EHMT1: variants seen among roughly 807,000 people sequenced by gnomAD.
EHMT1 encodes euchromatic histone lysine methyltransferase 1.
In EHMT1, 15 loss-of-function variants were observed where a neutral mutation model predicts 147.2. That is an observed-to-expected ratio of 0.10 (90% CI 0.07 to 0.16). The LOEUF is 0.16. Ranked by LOEUF, EHMT1 falls within the 10% of genes least tolerant of loss-of-function variation. EHMT1 has a pLI of 1.00. For synonymous variants in EHMT1, 795 were observed against 709.6 expected, an observed-to-expected ratio of 1.12 and a Z score of -1.91; for missense variants, 1,587 against 1,772.4, an observed-to-expected ratio of 0.90 and a Z score of 1.88.
At chr9:137,789,766 GT>G (rs1417383345) in intron 15 of EHMT1, among the ~76,000 whole-genome samples, 1 of 152,168 alleles carries the variant, frequency 6.6e-6, no homozygotes, top group Admixed American at 6.5e-5. Flanking sequence ...GTTCACTTTT[GT>G]TGCCCAGGCT....
At chr9:137,624,711 C>T (rs1328168044) in intron 1 of EHMT1, among the ~76,000 whole-genome samples, 1 of 152,090 alleles carries the variant, frequency 6.6e-6, no homozygotes, top group African/African-American at 2.4e-5. Flanking sequence ...ATCCATCCGC[C>T]TCAGCCTCCC....
At chr9:137,733,898 T>C (rs1222323526) in intron 4 of EHMT1, among the ~76,000 whole-genome samples, 1 of 152,176 alleles carries the variant, frequency 6.6e-6, no homozygotes, top group African/African-American at 2.4e-5. Context: ...TGAAAAGACC[T>C]TAAGTTTAAA....
At chr9:137,762,909 G>A in intron 10 of EHMT1, 89 bp downstream of exon 10, 1 of 1,565,046 alleles carries the variant, frequency 6.4e-7, no homozygotes, top group Non-Finnish European at 8.7e-7. Flanking sequence ...CCTCGAGTGA[G>A]TTGTGCTGCG....
In EHMT1 at chr9:137,775,371, G is replaced by A; in HGVS notation, c.1791+119G>A. The A allele has an allele frequency of 1.4e-6, 2 of 1,458,838 alleles. No homozygotes were observed. Among genetic ancestry groups the A allele is most frequent in the South Asian group, 1.2e-5 (1 of 81,316 alleles). 90.4% of individuals were successfully genotyped at this position (1,458,838 alleles called of 1,614,324 possible). A position where few individuals can be genotyped will look rare whatever the true frequency, so the allele number is the denominator to read the frequency against. On this transcript the variant is annotated intron_variant, in intron 11 of 26. Coordinates refer to ENST00000460843, the MANE Select transcript of EHMT1 (RefSeq NM_024757.5). This position sits in a 1 kb window ranked among gnomAD's most constrained non-coding sequence, Gnocchi z 6.1. The stretch of plus-strand genomic sequence containing the variant: ...GTGGTCCAGCAGCTGGCCCAGGTCT[G>A]GTGTCCGTCTGGAGGTCTCCAGTGT...
chr9:137,784,099 C>T, intron 15 of EHMT1: 1 of 1,300,860 alleles, frequency 7.7e-7, no homozygotes, highest in Non-Finnish European at 1.1e-6. Context: ...AAATTTATTT[C>T]TCACAGTTCT....
intron 17 of EHMT1, among the ~76,000 whole-genome samples, chr9:137,799,434 G>T (rs565828618): frequency 6.6e-6 from 1 of 152,292 alleles, no homozygotes; most frequent in South Asian, 2.1e-4. Context: ...GCGCCACGGG[G>T]CAGGGTTTGC....
intron 4 of EHMT1, among the ~76,000 whole-genome samples, chr9:137,736,261 G>C (rs1428456857): frequency 6.6e-6 from 1 of 152,124 alleles, no homozygotes; most frequent in Non-Finnish European, 1.5e-5. Context: ...ACAATAAGAA[G>C]GTATAACAAT....
At chr9:137,769,750 C>T (rs918470129) in intron 10 of EHMT1, among the ~76,000 whole-genome samples, 9 of 152,138 alleles carry the variant, frequency 5.9e-5, no homozygotes, top group Admixed American at 1.3e-4. Context: ...GTTTAGGTTT[C>T]GCTGAGCTTC....
chr9:137,832,145 C>T (rs1399594666), intron 25 of EHMT1, among the ~76,000 whole-genome samples: 1 of 145,530 alleles, frequency 6.9e-6, no homozygotes, highest in Non-Finnish European at 1.5e-5. Context: ...CCCAACCCCA[C>T]GTGGCCCCTG....
At chr9:137,707,033 C>A (rs1944327040) in intron 1 of EHMT1, among the ~76,000 whole-genome samples, 1 of 152,206 alleles carries the variant, frequency 6.6e-6, no homozygotes, top group Non-Finnish European at 1.5e-5. Context: ...CCATGTTGGC[C>A]AGACTGGTCT....
intron 24 of EHMT1, 125 bp from the exon 25 acceptor site, chr9:137,817,935 A>C (rs10283760): frequency 2.1e-6 from 2 of 932,608 alleles, no homozygotes; most frequent in African/African-American, 3.3e-5. Context: ...CTCTCTAAAC[A>C]TGTTCCCTGC....
At chr9:137,728,665 C>A in intron 4 of EHMT1, 136 bp downstream of exon 4, 3 of 1,150,584 alleles carry the variant, frequency 2.6e-6, no homozygotes, top group East Asian at 2.5e-5. Context: ...GCTGGCCCTC[C>A]TGTGCTCGCC....
At chr9:137,718,069 GTGA>G (rs1162130429) in intron 3 of EHMT1, among the ~76,000 whole-genome samples, 2 of 135,544 alleles carry the variant, frequency 1.5e-5, no homozygotes, top group Non-Finnish European at 3.0e-5. Flanking sequence ...CTCACGCACT[GTGA>G]TGATTTTCAC....
At chr9:137,638,899 A>G (rs1249475061) in intron 1 of EHMT1, among the ~76,000 whole-genome samples, 1 of 152,130 alleles carries the variant, frequency 6.6e-6, no homozygotes, top group Non-Finnish European at 1.5e-5. Context: ...GAGGCAGGGG[A>G]TGGCACTCCA....
At chr9:137,741,122 G>A (rs1012946489) in intron 4 of EHMT1, among the ~76,000 whole-genome samples, 3 of 152,022 alleles carry the variant, frequency 2.0e-5, no homozygotes, top group African/African-American at 4.8e-5. Context: ...GACTACAGGC[G>A]CCCGCCACCT....
rs950349785 is a variant in EHMT1 at position 137,731,994 on chromosome 9, G to A, written c.823+3465G>A. Among the ~76,000 whole-genome samples, 1 of 152,250 alleles carries A rather than the reference G, an allele frequency of 6.6e-6. No homozygotes were observed. The highest frequency in any genetic ancestry group is 2.4e-5 in the African/African-American group (1 of 41,468). ...CCAAAACTCGGAGTCACCAGCAACT[G>A]CAGAGCCCCAAGGGGATAGGGTGGG... On this transcript the variant is annotated intron_variant, in intron 4 of 26. Transcript: ENST00000460843. This position sits in a 1 kb window ranked among gnomAD's most constrained non-coding sequence, Gnocchi z 4.3.
intron 16 of EHMT1, among the ~76,000 whole-genome samples, chr9:137,797,481 G>T (rs1221832373): frequency 6.6e-6 from 1 of 152,114 alleles, no homozygotes; most frequent in East Asian, 1.9e-4. Flanking sequence ...GTCTCTGCCA[G>T]GTGCACCTGC....
chr9:137,645,088 C>G (rs544131709), intron 1 of EHMT1, among the ~76,000 whole-genome samples: 5 of 152,044 alleles, frequency 3.3e-5, no homozygotes, highest in African/African-American at 1.2e-4. Flanking sequence ...GGCCAGGCTG[C>G]TCTCGAGCTC....
chr9:137,686,346 T>C (rs1351600364), intron 1 of EHMT1, among the ~76,000 whole-genome samples: 1 of 151,768 alleles, frequency 6.6e-6, no homozygotes, highest in Non-Finnish European at 1.5e-5. Flanking sequence ...TTTTATCTCA[T>C]ATTTGTTTTT....
Sources: allele counts gnomAD v4.1 joint callset (sites outside exome capture counted in the v4.1 genomes callset), GRCh38; gene constraint gnomAD v4.1.1; non-coding constraint Gnocchi (gnomAD v3.1); transcripts MANE v1.5; gene names NCBI Gene and HGNC (gene_info 2026-07-23, HGNC 2026-07-21).